KCNQ2: variants seen among roughly 807,000 people sequenced by gnomAD.
The protein encoded by KCNQ2 is potassium voltage-gated channel subfamily KQT member 2.
In KCNQ2, 14 loss-of-function variants were observed where a neutral mutation model predicts 84.8. That is an observed-to-expected ratio of 0.17 (90% CI 0.11 to 0.26). KCNQ2 has a LOEUF of 0.26. Ranked by LOEUF, KCNQ2 falls within the 10% of genes least tolerant of loss-of-function variation. The pLI is 1.00. For synonymous variants in KCNQ2, 599 were observed against 554.1 expected, an observed-to-expected ratio of 1.08 and a Z score of -1.14; for missense variants, 788 against 1,254.0, an observed-to-expected ratio of 0.63 and a Z score of 5.61.
At chr20:63,442,977 TCACCACCATTACCATCACCATCAC>T (rs2081258902) in intron 4 of KCNQ2, among the ~76,000 whole-genome samples, 5 of 30,050 alleles carry the variant, frequency 1.7e-4, no homozygotes, top group African/African-American at 6.4e-4. Flanking sequence ...ACCACCACCA[TCACCACCATTACCATCACCATCAC>T]CACCATCACC....
At chr20:63,443,073 C>T (rs1430222165) in intron 4 of KCNQ2, among the ~76,000 whole-genome samples, 1 of 81,788 alleles carries the variant, frequency 1.2e-5, no homozygotes, top group East Asian at 5.0e-4. Context: ...TCACCATTAT[C>T]ACCACCACCA....
At chr20:63,464,706 C>T (rs1334418505) in intron 1 of KCNQ2, among the ~76,000 whole-genome samples, 1 of 152,236 alleles carries the variant, frequency 6.6e-6, no homozygotes, top group Non-Finnish European at 1.5e-5. Context: ...GGAAAAGGCT[C>T]CCAGAATCCA....
chr20:63,438,221 G>C lies in KCNQ2; in HGVS notation c.1023+404C>G. Reference sequence around the variant, plus strand: ...ACGGCACTGGGTGGGGTCCGGGCGGGCATCATGGGGGCCCACAGCCAGCAT... The same window carrying C: ...ACGGCACTGGGTGGGGTCCGGGCGGCCATCATGGGGGCCCACAGCCAGCAT... On this transcript the variant is annotated intron_variant, in intron 7 of 16. Transcript: ENST00000359125. The surrounding 1 kb of genome is among the most constrained non-coding windows in gnomAD (Gnocchi z 5.1). 1 of 322,594 alleles carries C rather than the reference G, an allele frequency of 3.1e-6. No homozygotes were observed. The highest frequency in any genetic ancestry group is 6.0e-6 in the Non-Finnish European group (1 of 166,406). The allele number at this position is 322,594 out of a possible 1,614,324, so 20.0% of individuals were successfully genotyped here.
rs2079832819 is a variant in KCNQ2 at position 63,402,599 on chromosome 20, C to T, written c.*4045G>A. On this transcript the variant is annotated 3_prime_UTR_variant, in exon 17 of 17. Coordinates refer to ENST00000359125, the MANE Select transcript of KCNQ2 (RefSeq NM_172107.4). The stretch of plus-strand genomic sequence containing the variant: ...TCTCTCTGGCAGCAGGGTCTGGAAT[C>T]TAGAAACACTGAGACCTCCAGCCCC... 1 of 152,432 alleles carries T rather than the reference C, an allele frequency of 6.6e-6. No homozygotes were observed. The highest frequency in any genetic ancestry group is 1.5e-5 in the Non-Finnish European group (1 of 68,208). 9.4% of individuals were successfully genotyped at this position (152,432 alleles called of 1,614,324 possible).
rs566020693 is a variant in KCNQ2, at chr20:63,407,055, G to A, written c.2208C>T (p.His736=). Residue 736 remains histidine (H), a synonymous_variant, in exon 17 of 17, where the codon CAC becomes CAT. Transcript: ENST00000359125. This position sits in a 1 kb window ranked among gnomAD's most constrained non-coding sequence, Gnocchi z 7.2. ...GCGGCGGGATGCGCACCAGGGAGCC[G>A]TGGTCCCCCACGGGGGAGGTGCCGT... is the stretch of plus-strand genomic sequence containing the variant. ...QGHGTSPVGD[H]GSLVRIPPPP... The A allele has an allele frequency of 1.2e-5, 18 of 1,521,084 alleles. No individual in the cohort carries two copies. Among genetic ancestry groups the A allele is most frequent in the South Asian group, 9.8e-5 (8 of 82,020 alleles). The allele number at this position is 1,521,084 out of a possible 1,614,324, so 94.2% of individuals were successfully genotyped here.
intron 10 of KCNQ2, among the ~76,000 whole-genome samples, chr20:63,424,812 G>C (rs1004376647): frequency 6.6e-6 from 1 of 152,236 alleles, no homozygotes; most frequent in African/African-American, 2.4e-5. Context: ...AAGGCGTTAT[G>C]GATTGAGTGA....
intron 7 of KCNQ2, 187 bp from the exon 8 acceptor site, chr20:63,434,090 G>A (rs2080915274): frequency 3.4e-6 from 2 of 580,366 alleles, no homozygotes; most frequent in Non-Finnish European, 6.1e-6. Flanking sequence ...CCCTCTGTAG[G>A]ACAGACAGGC....
intron 7 of KCNQ2, among the ~76,000 whole-genome samples, chr20:63,436,050 G>C (rs892855055): frequency 6.7e-6 from 1 of 148,940 alleles, no homozygotes; most frequent in Non-Finnish European, 1.5e-5. Flanking sequence ...GTGTTGAAAT[G>C]ACAAGGAATG....
At chr20:63,457,446 T>C (rs1204945357) in intron 1 of KCNQ2, among the ~76,000 whole-genome samples, 5 of 152,244 alleles carry the variant, frequency 3.3e-5, no homozygotes, top group African/African-American at 1.2e-4. Flanking sequence ...GCCCAGCTGC[T>C]AGCCTGATGC....
At chr20:63,444,277 A>C (rs1330795045) in intron 4 of KCNQ2, among the ~76,000 whole-genome samples, 2 of 152,234 alleles carry the variant, frequency 1.3e-5, no homozygotes, top group African/African-American at 4.8e-5. Flanking sequence ...GCCGCAGCTT[A>C]AACAACCACC....
chr20:63,471,444 G>T (rs1200100754), intron 1 of KCNQ2, among the ~76,000 whole-genome samples: 1 of 152,230 alleles, frequency 6.6e-6, no homozygotes, highest in Non-Finnish European at 1.5e-5. Context: ...GGGGTCCCAG[G>T]TCTGCCGCAG....
chr20:63,442,299 C>A lies in KCNQ2; in HGVS notation c.816+107G>T, dbSNP rs1041344531. 7 of 1,334,166 alleles carry A rather than the reference C, an allele frequency of 5.2e-6. No homozygotes were observed. The African/African-American group carries it at 9.1e-5, about 17-fold the overall frequency. 82.6% of individuals were successfully genotyped at this position (1,334,166 alleles called of 1,614,324 possible). A position where few individuals can be genotyped will look rare whatever the true frequency, so the allele number is the denominator to read the frequency against. On this transcript the variant is annotated intron_variant, in intron 5 of 16. Coordinates refer to ENST00000359125, the MANE Select transcript of KCNQ2 (RefSeq NM_172107.4). Reference sequence around the variant, plus strand: ...ATGACCACGGGCAGCCAGCAGGTGGCCCCAAAGAGATGTATGGAGCAGGCT... The same window carrying A: ...ATGACCACGGGCAGCCAGCAGGTGGACCCAAAGAGATGTATGGAGCAGGCT...
At chr20:63,418,961 T>G (rs1263821735) in intron 12 of KCNQ2, among the ~76,000 whole-genome samples, 1 of 152,220 alleles carries the variant, frequency 6.6e-6, no homozygotes, top group Admixed American at 6.5e-5. Context: ...CTTGCTGGGC[T>G]GTGCTGGCCA....
At chr20:63,461,775 C>G (rs922676661) in intron 1 of KCNQ2, among the ~76,000 whole-genome samples, 6 of 148,100 alleles carry the variant, frequency 4.1e-5, no homozygotes, top group African/African-American at 1.5e-4. Context: ...GCTGCACCTA[C>G]CCCAGGGAGC....
chr20:63,444,200 GGCCCCTGGAACTCAGCATGTGTGGCCACA>G (rs1439771576), intron 4 of KCNQ2, among the ~76,000 whole-genome samples: 2 of 152,212 alleles, frequency 1.3e-5, no homozygotes, highest in African/African-American at 4.8e-5. Flanking sequence ...GGGGGCCTGG[GGCCCCTGGAACTCAGCATGTGTGGCCACA>G]GCCACCCTCT....
In KCNQ2 at chr20:63,446,530, G is replaced by A. The variant is rs2081431288; in HGVS notation, c.387+217C>T. Among the ~76,000 whole-genome samples, 1 of 152,180 alleles carries A rather than the reference G, an allele frequency of 6.6e-6. No homozygotes were observed. ...CAGCCACTGTGAGGTCACCAGGAGGGGTGAGGTGAGGGCTGAGTTACAGCC... is the reference window on the plus strand; with the variant it reads ...CAGCCACTGTGAGGTCACCAGGAGGAGTGAGGTGAGGGCTGAGTTACAGCC... On this transcript the variant is annotated intron_variant, in intron 2 of 16. Coordinates refer to ENST00000359125, the MANE Select transcript of KCNQ2 (RefSeq NM_172107.4). The surrounding 1 kb of genome is among the most constrained non-coding windows in gnomAD (Gnocchi z 5.5).
intron 1 of KCNQ2, 137 bp downstream of exon 1, chr20:63,472,031 C>T (rs1471526885): frequency 3.3e-6 from 2 of 608,412 alleles, no homozygotes; most frequent in Non-Finnish European, 5.4e-6. Context: ...GCACTCCCGC[C>T]GGGGAGCGCC....
intron 7 of KCNQ2, among the ~76,000 whole-genome samples, chr20:63,435,315 C>A (rs2080959322): frequency 6.7e-6 from 1 of 150,110 alleles, no homozygotes; most frequent in Non-Finnish European, 1.5e-5. Flanking sequence ...TTGAACCTGG[C>A]AGGTCGAGGC....
intron 15 of KCNQ2, among the ~76,000 whole-genome samples, chr20:63,410,413 G>A (rs1412976834): frequency 2.6e-5 from 4 of 152,158 alleles, no homozygotes; most frequent in African/African-American, 4.8e-5. Flanking sequence ...TGGGGCAAGC[G>A]CTCCAACTGT....
Sources: allele counts gnomAD v4.1 joint callset (sites outside exome capture counted in the v4.1 genomes callset), GRCh38; gene constraint gnomAD v4.1.1; non-coding constraint Gnocchi (gnomAD v3.1); transcripts MANE v1.5; gene names NCBI Gene and HGNC (gene_info 2026-07-23, HGNC 2026-07-21).